Variants in NT5DC1 observed in about 807,000 individuals in gnomAD.
The protein encoded by NT5DC1 is 5'-nucleotidase domain containing 1.
Under a neutral mutation model 59.4 loss-of-function variants are expected in NT5DC1, and 42 were observed. The ratio of observed to expected loss-of-function variants is 0.71; its 90% CI spans 0.55 to 0.92. The LOEUF is 0.92. Ranked by LOEUF, NT5DC1 falls within the 40% of genes least tolerant of loss-of-function variation. NT5DC1 has a pLI of 0.00. For synonymous variants in NT5DC1, 172 were observed against 188.1 expected (o/e 0.91, Z 0.70); for missense variants, 501 against 537.1 (o/e 0.93, Z 0.66).
intron 6 of NT5DC1, among the ~76,000 whole-genome samples, chr6:116,200,416 T>C (rs1342093518): frequency 6.6e-6 from 1 of 152,040 alleles, no homozygotes; most frequent in Non-Finnish European, 1.5e-5. Flanking sequence ...TAATAATGTA[T>C]TGGTATTGCT....
At chr6:116,106,487 T>A in intron 2 of NT5DC1, 152 bp downstream of exon 2, 2 of 588,466 alleles carry the variant, frequency 3.4e-6, no homozygotes, top group Non-Finnish European at 6.0e-6. Context: ...ATTAAAAGTT[T>A]TGTATTTAAT....
intron 6 of NT5DC1, among the ~76,000 whole-genome samples, chr6:116,192,872 C>T (rs1781149369): frequency 6.6e-6 from 1 of 152,038 alleles, no homozygotes; most frequent in Non-Finnish European, 1.5e-5. Flanking sequence ...TCAACTTCCC[C>T]TGCTTTCTCA....
At chr6:116,124,789 T>C (rs1251960291) in intron 6 of NT5DC1, among the ~76,000 whole-genome samples, 1 of 152,220 alleles carries the variant, frequency 6.6e-6, no homozygotes, top group African/African-American at 2.4e-5. Flanking sequence ...GTATAAGTAA[T>C]TATGAGAATT....
intron 6 of NT5DC1, chr6:116,120,043 G>T: frequency 6.5e-7 from 1 of 1,545,764 alleles, no homozygotes; most frequent in Non-Finnish European, 8.7e-7. Context: ...GCTTTTTCTA[G>T]CACAAGATTT....
At position 116,243,963 on chromosome 6, in the gene NT5DC1, C is replaced by T; in HGVS notation, c.1307C>T (p.Ala436Val). ...TTCTCTTCAAGCAATTCAAAAACAG[C>T]TGGCTACTATCCAAATCCTCCACTG... ...TRFSSSNSKT[A>V]GYYPNPPLVL... Residue 436 changes from alanine to valine, a missense_variant, in exon 12 of 12, where the codon GCT (alanine) becomes GTT (valine). By Grantham distance (64) the Ala-to-Val change is moderately conservative. Transcript: ENST00000319550. 6.3e-7 allele frequency: 1 copy of T among 1,584,046 alleles called. No homozygotes were observed. Among genetic ancestry groups the T allele is most frequent in the Non-Finnish European group, 8.6e-7 (1 of 1,156,200 alleles).
In NT5DC1 at chr6:116,247,863, A is replaced by G. The variant is rs904191186; in HGVS notation, c.*3839A>G. 3 of 152,244 alleles carry G rather than the reference A, an allele frequency of 2.0e-5. No individual in the cohort carries two copies. The highest frequency in any genetic ancestry group is 4.4e-5 in the Non-Finnish European group (3 of 68,036). The allele number at this position is 152,244 out of a possible 1,614,324, so 9.4% of individuals were successfully genotyped here. A position where few individuals can be genotyped will look rare whatever the true frequency, so the allele number is the denominator to read the frequency against. ...CGGTTACTTACAATGCTTAGCAGCTAAATTCCATGAGTATAACGTTTAATG... is the reference window on the plus strand; with the variant it reads ...CGGTTACTTACAATGCTTAGCAGCTGAATTCCATGAGTATAACGTTTAATG... On this transcript the variant is annotated 3_prime_UTR_variant, in exon 12 of 12. Transcript: ENST00000319550.
chr6:116,114,146 T>C (rs1205187627), intron 4 of NT5DC1, among the ~76,000 whole-genome samples: 3 of 152,146 alleles, frequency 2.0e-5, no homozygotes, highest in Non-Finnish European at 2.9e-5. Context: ...CAATTCAAGC[T>C]GTGAAAAAAT....
intron 6 of NT5DC1, among the ~76,000 whole-genome samples, chr6:116,182,800 G>T (rs758310457): frequency 9.9e-5 from 15 of 152,024 alleles, no homozygotes; most frequent in Non-Finnish European, 1.3e-4. Context: ...TTTGTTGGAT[G>T]TATAGATTGT....
At chr6:116,153,098 T>C (rs912859509) in intron 6 of NT5DC1, among the ~76,000 whole-genome samples, 5 of 151,928 alleles carry the variant, frequency 3.3e-5, no homozygotes, top group African/African-American at 1.2e-4. Context: ...ATCCCTGATA[T>C]ATTAATATAA....
chr6:116,202,364 G>A (rs1026091958), intron 6 of NT5DC1, among the ~76,000 whole-genome samples: 1 of 151,944 alleles, frequency 6.6e-6, no homozygotes, highest in Non-Finnish European at 1.5e-5. Context: ...ATCTAAAGCT[G>A]TAAGTTCTTA....
chr6:116,198,299 A>G (rs1044360070), intron 6 of NT5DC1, among the ~76,000 whole-genome samples: 2 of 152,066 alleles, frequency 1.3e-5, no homozygotes, highest in Non-Finnish European at 2.9e-5. Flanking sequence ...AAAACAGTCA[A>G]TGTGGCCAGT....
chr6:116,238,068 A>G (rs1333560941), intron 9 of NT5DC1, 119 bp from the exon 10 acceptor site: 1 of 620,486 alleles, frequency 1.6e-6, no homozygotes, highest in African/African-American at 1.9e-5. Context: ...GAAGATGTTT[A>G]TGCAATTTTT....
chr6:116,184,023 G>A (rs1780939495), intron 6 of NT5DC1, among the ~76,000 whole-genome samples: 1 of 151,974 alleles, frequency 6.6e-6, no homozygotes, highest in Non-Finnish European at 1.5e-5. Context: ...TCAGTTTAAT[G>A]TTGACTGTGG....
intron 6 of NT5DC1, among the ~76,000 whole-genome samples, chr6:116,186,592 T>G (rs1205685230): frequency 1.3e-5 from 2 of 152,062 alleles, no homozygotes; most frequent in Non-Finnish European, 2.9e-5. Context: ...CTTTTTTCTT[T>G]GTCTTTGTTG....
chr6:116,220,512 A>C (rs1014266830), intron 6 of NT5DC1, among the ~76,000 whole-genome samples: 5 of 152,278 alleles, frequency 3.3e-5, no homozygotes, highest in Non-Finnish European at 4.4e-5. Flanking sequence ...CGATTTTTCC[A>C]TTTTGATATC....
At chr6:116,117,165 A>G (rs939405813) in intron 5 of NT5DC1, among the ~76,000 whole-genome samples, 10 of 152,130 alleles carry the variant, frequency 6.6e-5, no homozygotes, top group African/African-American at 2.4e-4. Flanking sequence ...ATGTTATATA[A>G]CACATTCTGA....
chr6:116,163,561 A>G (rs548716541), intron 6 of NT5DC1, among the ~76,000 whole-genome samples: 1 of 152,070 alleles, frequency 6.6e-6, no homozygotes, highest in East Asian at 1.9e-4. Flanking sequence ...TTATCTTCTT[A>G]AACAACCAAC....
At position 116,132,144 on chromosome 6, in the gene NT5DC1, G is replaced by T. The variant is rs528190169; in HGVS notation, c.529+14199G>T. The stretch of plus-strand genomic sequence containing the variant: ...TTATAGTGAATAACTTTGTGTGTGG[G>T]TGTATATGTAGCCTGAATGTCTTTG... On this transcript the variant is annotated intron_variant, in intron 6 of 11. Coordinates refer to ENST00000319550, the MANE Select transcript of NT5DC1 (RefSeq NM_152729.3). Among the ~76,000 whole-genome samples the T allele has an allele frequency of 5.6e-4, 85 of 152,220 alleles. 2 individuals are homozygous for T. The highest frequency in any genetic ancestry group is 2.0e-3 in the African/African-American group (84 of 41,548).
rs777047241 is a variant in NT5DC1 at position 116,121,530 on chromosome 6, G to A, written c.529+3585G>A. 4.3e-6 allele frequency: 7 copies of A among 1,614,106 alleles called. No homozygotes were observed. Among genetic ancestry groups the A allele is most frequent in the Admixed American group, 1.7e-5 (1 of 60,022 alleles). ...AGACCCCTCTCACCTGGACGACCAG[G>A]AGCACCATATCCCATTTCCCCTTTC... On this transcript the variant is annotated intron_variant, in intron 6 of 11. Transcript: ENST00000319550.
Sources: allele counts gnomAD v4.1 joint callset (sites outside exome capture counted in the v4.1 genomes callset), GRCh38; gene constraint gnomAD v4.1.1; transcripts MANE v1.5; gene names NCBI Gene and HGNC (gene_info 2026-07-23, HGNC 2026-07-21).